PSMG1: variants seen among roughly 807,000 people sequenced by gnomAD.
The protein encoded by PSMG1 is proteasome assembly chaperone 1, also known as Down syndrome critical region gene 2.
A neutral mutation model predicts 37.2 loss-of-function variants in PSMG1; 23 were observed. That is an observed-to-expected ratio of 0.62 (90% CI 0.44 to 0.88). PSMG1 has a LOEUF of 0.88. PSMG1 is among the 40% of genes least tolerant of loss of function. PSMG1 has a pLI of 0.00. For missense variants in PSMG1, 340 were observed against 344.2 expected (o/e 0.99, Z 0.10); for synonymous variants, 127 against 128.0 (o/e 0.99, Z 0.05).
chr21:39,179,021 T>G (rs1421445387), intron 4 of PSMG1, among the ~76,000 whole-genome samples: 1 of 152,160 alleles, frequency 6.6e-6, no homozygotes, highest in Non-Finnish European at 1.5e-5. Context: ...TGGTGATACG[T>G]GACTTCTCAC....
At chr21:39,181,553 C>A (rs2030827458) in intron 2 of PSMG1, among the ~76,000 whole-genome samples, 1 of 151,342 alleles carries the variant, frequency 6.6e-6, no homozygotes, top group Non-Finnish European at 1.5e-5. Flanking sequence ...GACAGGAGTG[C>A]AAGACCAGCC....
At position 39,175,761 on chromosome 21, in the gene PSMG1, C is replaced by T. The variant is rs961667929; in HGVS notation, c.793-97G>A. ...CGACCAACAATCTCCACACTCGAGA[C>T]TTAAAAACAGCCATGGGACAGGCGT... On this transcript the variant is annotated intron_variant, in intron 6 of 6. Transcript: ENST00000331573. The T allele has an allele frequency of 7.5e-6, 6 of 797,272 alleles. No homozygotes were observed. The African/African-American group carries it at 1.0e-4, about 14-fold the overall frequency. 49.4% of individuals were successfully genotyped at this position (797,272 alleles called of 1,614,324 possible). A position where few individuals can be genotyped will look rare whatever the true frequency, so the allele number is the denominator to read the frequency against.
At chr21:39,177,780 T>C (rs1569141674) in intron 5 of PSMG1, among the ~76,000 whole-genome samples, 1 of 152,186 alleles carries the variant, frequency 6.6e-6, no homozygotes, top group Non-Finnish European at 1.5e-5. Flanking sequence ...CTTTTGCAAA[T>C]ATTAATTTTA....
chr21:39,183,037 G>A (rs2030919970), intron 1 of PSMG1: 2 of 554,442 alleles, frequency 3.6e-6, no homozygotes, highest in Admixed American at 4.3e-5. Context: ...CGAAACGCCA[G>A]CAGATCCACG....
intron 4 of PSMG1, among the ~76,000 whole-genome samples, chr21:39,179,148 C>T (rs2030732805): frequency 6.6e-6 from 1 of 152,162 alleles, no homozygotes; most frequent in Non-Finnish European, 1.5e-5. Flanking sequence ...TGATTGGAGG[C>T]TCCTGAGGCC....
Position 39,175,005 on chromosome 21 carries a change from A to AT in PSMG1, c.*584dup, listed in dbSNP as rs2030580185. Reference sequence around the variant, plus strand: ...TTTGTCATCAATTTTTACCCACAAGATAAAAAAAACTGCAGGACTCCTAAA... The same window carrying AT: ...TTTGTCATCAATTTTTACCCACAAGATTAAAAAAAACTGCAGGACTCCTAAA... On this transcript the variant is annotated 3_prime_UTR_variant, in exon 7 of 7. Transcript: ENST00000331573. 6.6e-6 allele frequency: 1 copy of AT among 152,234 alleles called. No individual in the cohort carries two copies. The allele number at this position is 152,234 out of a possible 1,614,324, so 9.4% of individuals were successfully genotyped here.
Position 39,179,992 on chromosome 21 carries a change from A to C in PSMG1, c.394-6T>G. ...CTGCACTGACAGAGAAAAACCTGAAAAGTCAAGTTCCACGCTTTTTGTCAA... is the reference window on the plus strand; with the variant it reads ...CTGCACTGACAGAGAAAAACCTGAACAGTCAAGTTCCACGCTTTTTGTCAA... On this transcript the variant is annotated splice_region_variant and splice_polypyrimidine_tract_variant and intron_variant, in intron 3 of 6. Transcript: ENST00000331573. The C allele has an allele frequency of 6.2e-7, 1 of 1,610,046 alleles. No individual in the cohort carries two copies.
intron 4 of PSMG1, chr21:39,178,951 T>C: frequency 2.8e-6 from 1 of 356,578 alleles, no homozygotes; most frequent in South Asian, 2.8e-5. Flanking sequence ...AGGCCGGACT[T>C]GGTGGGAGGT....
chr21:39,178,473 T>A lies in PSMG1; in HGVS notation c.631A>T (p.Ile211Leu). The A allele has an allele frequency of 6.2e-7, 1 of 1,613,916 alleles. No homozygotes were observed. The highest frequency in any genetic ancestry group is 1.3e-5 in the African/African-American group (1 of 75,038). ...ACCPLLEQPN[I>L]VHDLPAAVLS... ...CCTGCTGCAGGAAGGTCGTGTACTATATTCGGTTGTTCTAGCAATGGACAA... is the reference window on the plus strand; with the variant it reads ...CCTGCTGCAGGAAGGTCGTGTACTAAATTCGGTTGTTCTAGCAATGGACAA... The change falls in exon 5 of 7, where the codon ATA becomes TTA. Residue 211 changes from isoleucine to leucine, a missense_variant. Coordinates refer to ENST00000331573, the MANE Select transcript of PSMG1 (RefSeq NM_003720.4).
chr21:39,178,342 G>GGT, intron 5 of PSMG1, 107 bp downstream of exon 5: 1 of 960,450 alleles, frequency 1.0e-6, no homozygotes, highest in Non-Finnish European at 1.6e-6. Context: ...GCAATATATT[G>GGT]GTATCAATCA....
chr21:39,181,999 C>CCTG, intron 1 of PSMG1, 121 bp from the exon 2 acceptor site: 1 of 525,812 alleles, frequency 1.9e-6, no homozygotes, highest in South Asian at 3.5e-5. Flanking sequence ...AAGAATATAA[C>CCTG]TAATATCCTC....
chr21:39,181,792 G>A lies in PSMG1; in HGVS notation c.221C>T (p.Ala74Val), dbSNP rs139461009. The A allele has an allele frequency of 2.1e-4, 331 of 1,581,260 alleles. 1 individual carries two copies. Among genetic ancestry groups the A allele is most frequent in the Non-Finnish European group, 2.6e-4 (307 of 1,168,634 alleles). Residue 74 changes from alanine to valine, a missense_variant, in exon 2 of 7, where the codon GCT becomes GTT. Physicochemically the swap from Ala to Val is moderately conservative, Grantham distance 64. Coordinates refer to ENST00000331573, the MANE Select transcript of PSMG1 (RefSeq NM_003720.4). ...CTTACCTACTGCATTATTTCCTATA[G>A]CAATTATAAACTTGGAGCACGGATA... ...EKYPCSKFII[A>V]IGNNAVAFLS...
At chr21:39,177,051 T>G (rs982438505) in intron 6 of PSMG1, among the ~76,000 whole-genome samples, 1 of 152,214 alleles carries the variant, frequency 6.6e-6, no homozygotes, top group Admixed American at 6.5e-5. Flanking sequence ...CTCTGTAAAA[T>G]TGGGTAAATA....
intron 1 of PSMG1, among the ~76,000 whole-genome samples, chr21:39,182,425 GATT>G (rs2030873277): frequency 9.9e-5 from 15 of 152,204 alleles, no homozygotes; most frequent in Non-Finnish European, 2.2e-4. Context: ...ACCCTGTTAG[GATT>G]CTCATTCACG....
chr21:39,179,657 C>T (rs2030752103), intron 4 of PSMG1, among the ~76,000 whole-genome samples: 1 of 151,802 alleles, frequency 6.6e-6, no homozygotes, highest in South Asian at 2.1e-4. Flanking sequence ...CTTCTGTGAC[C>T]TACCATCCTC....
At chr21:39,178,322 A>T (rs2030697706) in intron 5 of PSMG1, 127 bp downstream of exon 5, 1 of 804,534 alleles carries the variant, frequency 1.2e-6, no homozygotes, top group Non-Finnish European at 1.9e-6. Context: ...ACAGATATTG[A>T]GGACTAACAG....
chr21:39,183,507 G>T, upstream of PSMG1: 2 of 1,255,842 alleles, frequency 1.6e-6, no homozygotes, highest in South Asian at 1.6e-5. Context: ...CACGCCCTCC[G>T]CGCACAGCCC....
At chr21:39,182,708 C>T (rs1288345072) in intron 1 of PSMG1, among the ~76,000 whole-genome samples, 1 of 152,094 alleles carries the variant, frequency 6.6e-6, no homozygotes, top group African/African-American at 2.4e-5. Flanking sequence ...TCAGGGCTCA[C>T]TTGACTATTT....
chr21:39,178,464 C>T lies in PSMG1; in HGVS notation c.640G>A (p.Asp214Asn), dbSNP rs970810152. The T allele has an allele frequency of 3.7e-6, 6 of 1,612,850 alleles. No individual in the cohort carries two copies. The highest frequency in any genetic ancestry group is 3.3e-5 in the Admixed American group (2 of 60,002). ...TTAATACCACCTGCTGCAGGAAGGTCGTGTACTATATTCGGTTGTTCTAGC... is the reference window on the plus strand; with the variant it reads ...TTAATACCACCTGCTGCAGGAAGGTTGTGTACTATATTCGGTTGTTCTAGC... ...PLLEQPNIVH[D>N]LPAAVLSYCQ... Residue 214 changes from aspartate to asparagine, a missense_variant, in exon 5 of 7, where the codon GAC (aspartate) becomes AAC (asparagine). Coordinates refer to ENST00000331573, the MANE Select transcript of PSMG1 (RefSeq NM_003720.4).
Sources: gnomAD v4.1 joint callset for allele counts (sites outside exome capture counted in the v4.1 genomes callset) on GRCh38, gnomAD v4.1.1 for gene constraint, MANE v1.5 for transcripts, NCBI Gene and HGNC (gene_info 2026-07-23, HGNC 2026-07-21) for gene names.